OCA2: variants seen among roughly 807,000 people sequenced by gnomAD.
OCA2 encodes OCA2 melanosomal transmembrane protein, also known as P protein.
In OCA2, 77 loss-of-function variants were observed where a neutral mutation model predicts 100.2. The ratio of observed to expected loss-of-function variants is 0.77; its 90% CI spans 0.64 to 0.93. The LOEUF is 0.93. Ranked by LOEUF, OCA2 falls within the 40% of genes least tolerant of loss-of-function variation. OCA2 has a pLI of 0.00. For missense variants in OCA2, 1,062 were observed against 1,089.1 expected (o/e 0.98, Z 0.35); for synonymous variants, 432 against 439.2 (o/e 0.98, Z 0.21).
At chr15:27,821,776 T>C (rs2034518180) in intron 23 of OCA2, among the ~76,000 whole-genome samples, 2 of 152,120 alleles carry the variant, frequency 1.3e-5, no homozygotes, top group South Asian at 4.1e-4. Context: ...CATTTGTCTA[T>C]ATGCACCCAT....
downstream of OCA2, among the ~76,000 whole-genome samples, chr15:27,753,894 G>A (rs2030165479): frequency 6.6e-6 from 1 of 152,240 alleles, no homozygotes; most frequent in Admixed American, 6.5e-5. Context: ...GAGCAGATGG[G>A]AGCTGAGCTG....
At chr15:27,925,614 TTC>T (rs1263196722) in intron 19 of OCA2, among the ~76,000 whole-genome samples, 5 of 152,210 alleles carry the variant, frequency 3.3e-5, no homozygotes, top group Non-Finnish European at 7.4e-5. Context: ...AGTAGTATCT[TTC>T]TGTGTTAGTA....
chr15:27,905,870 G>A (rs1486844393), intron 19 of OCA2, among the ~76,000 whole-genome samples: 1 of 152,176 alleles, frequency 6.6e-6, no homozygotes, highest in Non-Finnish European at 1.5e-5. Context: ...GAAGCATGTA[G>A]AAGAAAACTA....
At chr15:27,867,646 G>A (rs2036377541) in intron 21 of OCA2, among the ~76,000 whole-genome samples, 6 of 152,062 alleles carry the variant, frequency 3.9e-5, no homozygotes, top group Admixed American at 3.3e-4. Flanking sequence ...ATGCAAAAAC[G>A]TGCTGAAGTG....
chr15:28,086,753 A>T (rs1443096922), intron 1 of OCA2, among the ~76,000 whole-genome samples: 2 of 152,248 alleles, frequency 1.3e-5, no homozygotes, highest in Non-Finnish European at 2.9e-5. Context: ...GTCTCAGCAA[A>T]TAAGACTCAA....
At chr15:27,722,212 G>T in the OCA2 span, among the ~76,000 whole-genome samples, 2 of 152,226 alleles carry the variant, frequency 1.3e-5, no homozygotes. Context: ...CTTAGACCGG[G>T]TCGTGTATTC....
intron 2 of OCA2, among the ~76,000 whole-genome samples, chr15:28,032,801 A>AC (rs1325476562): frequency 6.6e-6 from 1 of 151,860 alleles, no homozygotes. Context: ...TCAAAAAAAA[A>AC]AAAAAAAACA....
chr15:28,038,314 T>C (rs1039034594), intron 2 of OCA2, among the ~76,000 whole-genome samples: 1 of 152,170 alleles, frequency 6.6e-6, no homozygotes, highest in African/African-American at 2.4e-5. Flanking sequence ...CCAGCTCTCA[T>C]GGGCAATTTT....
chr15:27,992,692 G>C (rs1361043241), intron 9 of OCA2, among the ~76,000 whole-genome samples: 1 of 152,236 alleles, frequency 6.6e-6, no homozygotes, highest in African/African-American at 2.4e-5. Context: ...ACAGGAGGAA[G>C]TCACTGCAGG....
intron 2 of OCA2, among the ~76,000 whole-genome samples, chr15:28,062,257 A>T (rs1453167627): frequency 1.3e-5 from 2 of 152,212 alleles, no homozygotes; most frequent in Admixed American, 6.5e-5. Flanking sequence ...TATGATAGCC[A>T]TCCTATTGGG....
At chr15:27,764,803 T>C (rs556715688) in intron 23 of OCA2, among the ~76,000 whole-genome samples, 4 of 152,292 alleles carry the variant, frequency 2.6e-5, no homozygotes, top group South Asian at 2.1e-4. Context: ...TTCTTAGATC[T>C]TGCCCAAGAA....
intron 1 of OCA2, among the ~76,000 whole-genome samples, chr15:28,089,037 C>T (rs1326437344): frequency 6.6e-6 from 1 of 152,172 alleles, no homozygotes. Context: ...GAGGCCTCCC[C>T]TTAGGGACAC....
chr15:27,810,467 A>G (rs907150179), intron 23 of OCA2, among the ~76,000 whole-genome samples: 1 of 152,214 alleles, frequency 6.6e-6, no homozygotes, highest in Non-Finnish European at 1.5e-5. Flanking sequence ...CATGACTAAG[A>G]CCCCAAAAGC....
At chr15:28,024,970 T>A in intron 4 of OCA2, 68 bp from the exon 5 acceptor site, 1 of 1,454,690 alleles carries the variant, frequency 6.9e-7, no homozygotes, top group Non-Finnish European at 9.6e-7. Flanking sequence ...CAGACACTTT[T>A]CTGCAGCCTT....
intron 23 of OCA2, among the ~76,000 whole-genome samples, chr15:27,801,823 T>C (rs1410189148): frequency 6.6e-6 from 1 of 152,144 alleles, no homozygotes; most frequent in African/African-American, 2.4e-5. Flanking sequence ...TTAGAATAAT[T>C]TATTCTTTAC....
intron 19 of OCA2, among the ~76,000 whole-genome samples, chr15:27,912,540 T>A (rs2038438454): frequency 6.6e-6 from 1 of 151,910 alleles, no homozygotes; most frequent in Non-Finnish European, 1.5e-5. Context: ...AGTACCGACT[T>A]ACAACACATA....
At chr15:27,952,218 C>T (rs568231090) in intron 17 of OCA2, among the ~76,000 whole-genome samples, 44 of 152,334 alleles carry the variant, frequency 2.9e-4, no homozygotes, top group African/African-American at 1.1e-3. Flanking sequence ...TTCTCTACCA[C>T]GCCAAGCATG....
At chr15:27,996,439 G>A (rs367603307) in intron 9 of OCA2, among the ~76,000 whole-genome samples, 1 of 151,860 alleles carries the variant, frequency 6.6e-6, no homozygotes, top group Non-Finnish European at 1.5e-5. Context: ...CAAGGAAATA[G>A]AAGAGCCAGC....
chr15:28,056,579 T>C (rs2043705830), intron 2 of OCA2, among the ~76,000 whole-genome samples: 1 of 152,244 alleles, frequency 6.6e-6, no homozygotes, highest in Admixed American at 6.5e-5. Context: ...CACGCTGCTT[T>C]ACTTCTTTCC....
Sources: allele counts gnomAD v4.1 joint callset (sites outside exome capture counted in the v4.1 genomes callset), GRCh38; gene constraint gnomAD v4.1.1; transcripts MANE v1.5; gene names NCBI Gene and HGNC (gene_info 2026-07-23, HGNC 2026-07-21).